WWOX: variants seen among roughly 807,000 people sequenced by gnomAD.
WWOX encodes WW domain containing oxidoreductase.
In WWOX, 69 loss-of-function variants were observed where a neutral mutation model predicts 46.2. The ratio of observed to expected loss-of-function variants is 1.49; its 90% CI spans 1.23 to 1.82. The LOEUF (loss-of-function observed/expected upper bound fraction) is 1.82. Ranked by LOEUF, WWOX falls within the 40% of genes most tolerant of loss-of-function variation. The probability of loss-of-function intolerance (pLI) is 0.00; values close to 1 mark genes in which losing one functional copy is unlikely to be tolerated. For synonymous variants in WWOX, 359 were observed against 202.6 expected (o/e 1.77, Z -6.56); for missense variants, 919 against 542.6 (o/e 1.69, Z -6.89).
chr16:78,574,984 A>C (rs1215907247), intron 8 of WWOX, among the ~76,000 whole-genome samples: 1 of 96,060 alleles, frequency 1.0e-5, no homozygotes, highest in African/African-American at 3.6e-5. Flanking sequence ...AATATATTCA[A>C]TATTTATTTT....
intron 8 of WWOX, among the ~76,000 whole-genome samples, chr16:78,762,449 G>A (rs1160798028): frequency 2.0e-5 from 3 of 152,144 alleles, no homozygotes; most frequent in African/African-American, 4.8e-5. Flanking sequence ...CCACTGAGTC[G>A]AATAGACATT....
At chr16:78,533,901 C>T (rs34672666) in intron 8 of WWOX, among the ~76,000 whole-genome samples, 1 of 152,148 alleles carries the variant, frequency 6.6e-6, no homozygotes, top group African/African-American at 2.4e-5. Flanking sequence ...GTGTGTCCAT[C>T]TTGTTAACAG....
At chr16:78,964,771 AG>A (rs919144962) in intron 8 of WWOX, among the ~76,000 whole-genome samples, 3 of 152,212 alleles carry the variant, frequency 2.0e-5, no homozygotes, top group Non-Finnish European at 2.9e-5. Flanking sequence ...AAGTCCCAGG[AG>A]GAAAAAATGA....
intron 8 of WWOX, among the ~76,000 whole-genome samples, chr16:78,670,292 A>G (rs979356809): frequency 3.9e-5 from 6 of 152,130 alleles, no homozygotes; most frequent in African/African-American, 1.4e-4. Context: ...TTTTCTGTGC[A>G]TCTGTCTTTT....
intron 8 of WWOX, among the ~76,000 whole-genome samples, chr16:79,189,219 T>C (rs2051079395): frequency 6.6e-6 from 1 of 152,174 alleles, no homozygotes; most frequent in Non-Finnish European, 1.5e-5. Context: ...CCTGAGCATT[T>C]GGAACAGGCA....
At chr16:78,655,039 T>C (rs1024625637) in intron 8 of WWOX, among the ~76,000 whole-genome samples, 4 of 152,170 alleles carry the variant, frequency 2.6e-5, no homozygotes, top group African/African-American at 9.7e-5. Flanking sequence ...TTGGCAGAAC[T>C]CTGTGCCTTT....
rs549101035 is a variant in WWOX at position 79,053,921 on chromosome 16, G to A, written c.1057-157687G>A. On this transcript the variant is annotated intron_variant, in intron 8 of 8. Transcript: ENST00000566780. ...CCAGCCATAGAAAGTGAGAGCTTTC[G>A]AAGAATCTGTGGTTAGAACTAAGAG... 1.5e-3 allele frequency among the ~76,000 whole-genome samples: 234 copies of A among 152,046 alleles called. 1 individual carries two copies. Among genetic ancestry groups the A allele is most frequent in the African/African-American group, 5.4e-3 (224 of 41,472 alleles).
intron 8 of WWOX, among the ~76,000 whole-genome samples, chr16:78,642,426 C>A (rs1275673906): frequency 1.3e-5 from 2 of 152,106 alleles, no homozygotes; most frequent in Non-Finnish European, 2.9e-5. Flanking sequence ...TCTCTTTGGG[C>A]TCCCTGCTTT....
chr16:78,225,023 A>G (rs945845140), intron 5 of WWOX, among the ~76,000 whole-genome samples: 3 of 152,252 alleles, frequency 2.0e-5, no homozygotes, highest in East Asian at 1.9e-4. Flanking sequence ...GTGGTTATGT[A>G]TATCACAGGT....
chr16:79,170,371 G>T (rs1334497076), intron 8 of WWOX, among the ~76,000 whole-genome samples: 1 of 152,180 alleles, frequency 6.6e-6, no homozygotes, highest in Non-Finnish European at 1.5e-5. Context: ...TTTGACCCAG[G>T]TCTGACTCCA....
At chr16:78,898,297 C>T (rs530330846) in intron 8 of WWOX, 2 of 152,086 alleles carry the variant, frequency 1.3e-5, no homozygotes, top group Admixed American at 6.5e-5. Flanking sequence ...ATCTATGTTC[C>T]ATCTCAAATT....
At chr16:78,377,223 C>T (rs1056382131) in intron 5 of WWOX, among the ~76,000 whole-genome samples, 1 of 152,144 alleles carries the variant, frequency 6.6e-6, no homozygotes, top group Non-Finnish European at 1.5e-5. Flanking sequence ...TTAAGCAGAT[C>T]TTTGATGTAT....
At chr16:78,973,978 T>C (rs16949075) in intron 8 of WWOX, among the ~76,000 whole-genome samples, 1,724 of 152,350 alleles carry the variant, frequency 0.011, 29 homozygotes, top group African/African-American at 0.038. Context: ...GGTGATTTTA[T>C]TACTAGTCAG....
At chr16:78,375,875 G>A (rs565836471) in intron 5 of WWOX, among the ~76,000 whole-genome samples, 20 of 146,660 alleles carry the variant, frequency 1.4e-4, no homozygotes, top group Admixed American at 1.0e-3. Context: ...TTTTTTTGAC[G>A]GAGTCTTGCT....
At chr16:79,197,654 C>T (rs148679068) in intron 8 of WWOX, among the ~76,000 whole-genome samples, 2 of 152,122 alleles carry the variant, frequency 1.3e-5, no homozygotes, top group Admixed American at 6.5e-5. Context: ...CTTTTTTGAT[C>T]GCTTTAGAAA....
At chr16:78,500,503 G>C (rs765916093) in intron 8 of WWOX, among the ~76,000 whole-genome samples, 21 of 151,476 alleles carry the variant, frequency 1.4e-4, no homozygotes, top group African/African-American at 4.4e-4. Flanking sequence ...GTTAACCATG[G>C]TAGCATTTTA....
intron 8 of WWOX, among the ~76,000 whole-genome samples, chr16:78,607,317 G>C (rs897562102): frequency 2.0e-5 from 3 of 152,092 alleles, no homozygotes; most frequent in Non-Finnish European, 4.4e-5. Flanking sequence ...GCTCCTGTGA[G>C]TACGTAAATG....
chr16:78,535,687 T>C lies in WWOX; in HGVS notation c.1056+102935T>C, dbSNP rs1442664183. The C allele has an allele frequency of 1.2e-4, 18 of 152,254 alleles. 1 individual carries two copies. The highest frequency in any genetic ancestry group is 1.9e-4 in the Non-Finnish European group (13 of 68,038). The allele number at this position is 152,254 out of a possible 1,614,324, so 9.4% of individuals were successfully genotyped here. ...CTCTTCCCTGTAATCATTAATCTCG[T>C]CTTCTTTGTTACAATGTATGTTGTG... On this transcript the variant is annotated intron_variant, in intron 8 of 8. Coordinates refer to ENST00000566780, the MANE Select transcript of WWOX (RefSeq NM_016373.4).
intron 8 of WWOX, among the ~76,000 whole-genome samples, chr16:78,443,597 C>G (rs1456876650): frequency 6.6e-6 from 1 of 152,120 alleles, no homozygotes; most frequent in Non-Finnish European, 1.5e-5. Context: ...GGCCTTTGTT[C>G]CTGAATGAGC....
Sources: allele counts gnomAD v4.1 joint callset (sites outside exome capture counted in the v4.1 genomes callset), GRCh38; gene constraint gnomAD v4.1.1; transcripts MANE v1.5; gene names NCBI Gene and HGNC (gene_info 2026-07-23, HGNC 2026-07-21).